SLC1A6: variants seen among roughly 807,000 people sequenced by gnomAD.
SLC1A6 encodes the protein solute carrier family 1 member 6.
In SLC1A6, 15 loss-of-function variants were observed where a neutral mutation model predicts 42.1. That is an observed-to-expected ratio of 0.36 (90% CI 0.24 to 0.55). The LOEUF is 0.55. Ranked by LOEUF, SLC1A6 falls within the 20% of genes least tolerant of loss-of-function variation. The probability of loss-of-function intolerance (pLI) is 0.88; values close to 1 mark genes in which losing one functional copy is unlikely to be tolerated. For synonymous variants in SLC1A6, 317 were observed against 319.7 expected, an observed-to-expected ratio of 0.99 and a Z score of 0.09; for missense variants, 542 against 772.5, an observed-to-expected ratio of 0.70 and a Z score of 3.54.
intron 1 of SLC1A6, among the ~76,000 whole-genome samples, chr19:15,007,065 G>A (rs1372751686): frequency 2.6e-5 from 4 of 152,188 alleles, no homozygotes; most frequent in South Asian, 2.1e-4. Context: ...CTGGGTGCTC[G>A]GTAGTGGAAT....
At chr19:14,987,989 G>A (rs1404915454) in intron 1 of SLC1A6, among the ~76,000 whole-genome samples, 2 of 152,120 alleles carry the variant, frequency 1.3e-5, no homozygotes, top group African/African-American at 2.4e-5. Flanking sequence ...CTCCCAAGTA[G>A]CTGAGACCAC....
chr19:14,967,325 T>C (rs117252422), intron 4 of SLC1A6, among the ~76,000 whole-genome samples: 19 of 152,248 alleles, frequency 1.2e-4, no homozygotes, highest in Admixed American at 4.6e-4. Context: ...TCAGAAATCA[T>C]ATCAAAATGA....
chr19:14,990,857 C>A (rs2045816788), intron 1 of SLC1A6, among the ~76,000 whole-genome samples: 1 of 150,776 alleles, frequency 6.6e-6, no homozygotes, highest in African/African-American at 2.4e-5. Context: ...AATAACAATA[C>A]AGTGTATTCT....
intron 1 of SLC1A6, among the ~76,000 whole-genome samples, chr19:14,986,480 A>C (rs1040973949): frequency 6.6e-6 from 1 of 151,124 alleles, no homozygotes; most frequent in African/African-American, 2.4e-5. Flanking sequence ...CCGAGATTGC[A>C]CCATTGCACT....
chr19:14,997,907 AT>A (rs1328808857), intron 1 of SLC1A6, among the ~76,000 whole-genome samples: 1 of 151,662 alleles, frequency 6.6e-6, no homozygotes, highest in Non-Finnish European at 1.5e-5. Context: ...AATCCTGGGC[AT>A]TTCTTGGCTT....
intron 5 of SLC1A6, chr19:14,964,098 G>T: frequency 2.1e-6 from 1 of 486,014 alleles, no homozygotes. Context: ...CTAAGTGCTG[G>T]GATTACAAGC....
intron 1 of SLC1A6, among the ~76,000 whole-genome samples, chr19:14,977,950 G>A (rs1182545511): frequency 6.6e-6 from 1 of 152,148 alleles, no homozygotes; most frequent in Non-Finnish European, 1.5e-5. Context: ...TCACTTATAA[G>A]TATATACCAT....
intron 8 of SLC1A6, among the ~76,000 whole-genome samples, chr19:14,953,918 T>C (rs548493267): frequency 1.3e-5 from 2 of 152,344 alleles, no homozygotes; most frequent in South Asian, 4.1e-4. Context: ...AGAGGGAAAC[T>C]GACAGGAACG....
chr19:14,996,571 C>CTTCTTCTTCT (rs1309559476), intron 1 of SLC1A6, among the ~76,000 whole-genome samples: 45 of 31,426 alleles, frequency 1.4e-3, no homozygotes, highest in Admixed American at 1.8e-3. Context: ...GTTCTTCTTC[C>CTTCTTCTTCT]TCTTCTTCTT....
chr19:14,988,351 G>T (rs2045802809), intron 1 of SLC1A6, among the ~76,000 whole-genome samples: 1 of 152,184 alleles, frequency 6.6e-6, no homozygotes, highest in Non-Finnish European at 1.5e-5. Flanking sequence ...TCCCTAAAAT[G>T]CATGAGGCTA....
At chr19:14,983,163 G>C (rs867475425), upstream of SLC1A6, among the ~76,000 whole-genome samples, 3 of 152,326 alleles carry the variant, frequency 2.0e-5, no homozygotes, top group South Asian at 2.1e-4. Flanking sequence ...ATTTTGAGCT[G>C]CACGGCGTGA....
intron 1 of SLC1A6, among the ~76,000 whole-genome samples, chr19:15,009,945 C>T (rs920875904): frequency 3.3e-5 from 5 of 151,524 alleles, no homozygotes; most frequent in African/African-American, 7.3e-5. Flanking sequence ...TTTGGGAGGC[C>T]GAGGCAGGAG....
chr19:14,984,542 G>A (rs554698102), upstream of SLC1A6, among the ~76,000 whole-genome samples: 1 of 152,298 alleles, frequency 6.6e-6, no homozygotes, highest in South Asian at 2.1e-4. Context: ...TATTCTTTGA[G>A]ACGACACCAA....
At chr19:14,995,884 G>A (rs1048056872) in intron 1 of SLC1A6, among the ~76,000 whole-genome samples, 2 of 152,008 alleles carry the variant, frequency 1.3e-5, no homozygotes, top group African/African-American at 2.4e-5. Context: ...AGGTTACCCC[G>A]GAAAAGAACA....
chr19:14,998,575 A>C (rs2045857776), intron 1 of SLC1A6, among the ~76,000 whole-genome samples: 1 of 152,086 alleles, frequency 6.6e-6, no homozygotes. Context: ...AAACAACAAC[A>C]ACAAAAAAAG....
At chr19:14,992,994 G>T (rs1246344258) in intron 1 of SLC1A6, among the ~76,000 whole-genome samples, 1 of 152,118 alleles carries the variant, frequency 6.6e-6, no homozygotes, top group Admixed American at 6.6e-5. Context: ...CTCATTATCG[G>T]CTAACAGCTT....
At position 14,968,343 on chromosome 19, in the gene SLC1A6, C is replaced by T; in HGVS notation, c.508G>A (p.Glu170Lys). ...KEGLHREGRI[E>K]TIPTADAFMD... ...AAGGCATCAGCTGTGGGGATGGTCT[C>T]GATCCGGCCCTCCCGGTGCAGCCCC... Residue 170 changes from glutamate (E) to lysine (K), a missense_variant, in exon 4 of 10, where the codon GAG becomes AAG. By Grantham distance (56) the Glu-to-Lys change is moderately conservative. Around this residue, in one of 6 missense-constraint regions of SLC1A6, gnomAD observed 298 missense variants for 419.4 expected, o/e 0.71. Transcript: ENST00000594383. 2.5e-6 allele frequency: 4 copies of T among 1,613,680 alleles called. No homozygotes were observed. Among genetic ancestry groups the T allele is most frequent in the Non-Finnish European group, 2.5e-6 (3 of 1,179,874 alleles).
Position 14,950,140 on chromosome 19 carries a change from A to G in SLC1A6, c.*55T>C. 1 of 1,315,588 alleles carries G rather than the reference A, an allele frequency of 7.6e-7. No individual in the cohort carries two copies. The highest frequency in any genetic ancestry group is 2.6e-5 in the East Asian group (1 of 38,542). 81.5% of individuals were successfully genotyped at this position (1,315,588 alleles called of 1,614,324 possible). ...GTTGGGCAACAGATGTGTCACCAGG[A>G]CTCCCCTCCCCAGCCCCCTTCCCTC... is the stretch of plus-strand genomic sequence containing the variant. On this transcript the variant is annotated 3_prime_UTR_variant, in exon 10 of 10. Transcript: ENST00000594383.
intron 1 of SLC1A6, among the ~76,000 whole-genome samples, chr19:14,976,553 T>G (rs1020724781): frequency 6.6e-6 from 1 of 152,200 alleles, no homozygotes; most frequent in Non-Finnish European, 1.5e-5. Context: ...ATTTTTAGTA[T>G]TTTTGTATTT....
Sources: allele counts gnomAD v4.1 joint callset (sites outside exome capture counted in the v4.1 genomes callset), GRCh38; gene constraint gnomAD v4.1.1; regional missense constraint gnomAD v4.1.1; transcripts MANE v1.5; gene names NCBI Gene and HGNC (gene_info 2026-07-23, HGNC 2026-07-21).